Variants in ERBB4 observed in about 807,000 individuals in gnomAD.
ERBB4 encodes the protein erb-b2 receptor tyrosine kinase 4, also known as receptor tyrosine-protein kinase erbB-4.
Under a neutral mutation model 158.0 loss-of-function variants are expected in ERBB4, and 42 were observed. The ratio of observed to expected loss-of-function variants is 0.27; its 90% confidence interval spans 0.21 to 0.34. The LOEUF (loss-of-function observed/expected upper bound fraction) is 0.34, where lower values mean the gene tolerates loss of function less well. Ranked by LOEUF, ERBB4 falls within the 10% of genes least tolerant of loss-of-function variation. ERBB4 has a pLI of 1.00. For synonymous variants in ERBB4, 583 were observed against 558.7 expected (o/e 1.04, Z -0.61); for missense variants, 1,333 against 1,624.1 (o/e 0.82, Z 3.08).
At chr2:211,696,048 T>TC (rs1371826248) in intron 12 of ERBB4, among the ~76,000 whole-genome samples, 52 of 95,172 alleles carry the variant, frequency 5.5e-4, no homozygotes, top group African/African-American at 1.9e-3. Context: ...TCCTTCCCCT[T>TC]CCCCCCCTCC....
At chr2:211,713,260 A>G (rs1217547054) in intron 8 of ERBB4, among the ~76,000 whole-genome samples, 5 of 152,158 alleles carry the variant, frequency 3.3e-5, no homozygotes, top group African/African-American at 1.2e-4. Context: ...AAGATTTGCT[A>G]TTGACAGAGT....
intron 19 of ERBB4, among the ~76,000 whole-genome samples, chr2:211,606,204 C>A (rs767488822): frequency 6.6e-6 from 1 of 151,990 alleles, no homozygotes; most frequent in African/African-American, 2.4e-5. Context: ...AAGTCTTTTG[C>A]TTCATTTTCA....
intron 19 of ERBB4, among the ~76,000 whole-genome samples, chr2:211,575,939 C>T (rs911698710): frequency 6.6e-6 from 1 of 151,978 alleles, no homozygotes; most frequent in Non-Finnish European, 1.5e-5. Flanking sequence ...GAACTTATTA[C>T]CATCATATAT....
At chr2:211,588,665 C>T (rs920261306) in intron 19 of ERBB4, among the ~76,000 whole-genome samples, 6 of 152,138 alleles carry the variant, frequency 3.9e-5, no homozygotes, top group African/African-American at 1.4e-4. Context: ...AGTAACTTGA[C>T]CCAGGCCACT....
At chr2:212,457,923 T>C (rs990379210) in intron 1 of ERBB4, among the ~76,000 whole-genome samples, 7 of 151,998 alleles carry the variant, frequency 4.6e-5, no homozygotes, top group African/African-American at 1.7e-4. Context: ...TTTTCTTTGC[T>C]AAGGTAAATA....
At chr2:212,460,165 C>G (rs575526356) in intron 1 of ERBB4, among the ~76,000 whole-genome samples, 1 of 152,266 alleles carries the variant, frequency 6.6e-6, no homozygotes, top group African/African-American at 2.4e-5. Context: ...TTGTGAGGCT[C>G]CCCCAGCATG....
chr2:212,499,838 G>A (rs1276047582), intron 1 of ERBB4, among the ~76,000 whole-genome samples: 1 of 152,022 alleles, frequency 6.6e-6, no homozygotes, highest in East Asian at 1.9e-4. Context: ...GAGGATAACT[G>A]CAGATGTAGA....
chr2:212,129,207 A>C (rs1406494150), intron 1 of ERBB4, among the ~76,000 whole-genome samples: 1 of 151,576 alleles, frequency 6.6e-6, no homozygotes, highest in Non-Finnish European at 1.5e-5. Context: ...AGTTTCTCTC[A>C]ATTGGAAATA....
At chr2:211,716,011 T>G (rs149722371) in intron 7 of ERBB4, among the ~76,000 whole-genome samples, 539 of 152,298 alleles carry the variant, frequency 3.5e-3, no homozygotes, top group African/African-American at 0.013. Flanking sequence ...AGAAAATGCA[T>G]GTTTGGAGTT....
At chr2:211,432,818 A>G (rs941875952) in intron 20 of ERBB4, among the ~76,000 whole-genome samples, 2 of 152,192 alleles carry the variant, frequency 1.3e-5, no homozygotes, top group African/African-American at 4.8e-5. Context: ...GACAAAAAAG[A>G]TTCAGATAAG....
At chr2:211,616,180 G>T (rs925658654) in intron 19 of ERBB4, among the ~76,000 whole-genome samples, 1 of 151,682 alleles carries the variant, frequency 6.6e-6, no homozygotes, top group African/African-American at 2.4e-5. Context: ...CTCTTTCCCA[G>T]CAGCTCTACA....
At chr2:211,694,029 T>C (rs938731351) in intron 12 of ERBB4, among the ~76,000 whole-genome samples, 2 of 152,170 alleles carry the variant, frequency 1.3e-5, no homozygotes, top group East Asian at 3.9e-4. Flanking sequence ...GTCTCTTCTC[T>C]TCTTCTTGTA....
rs1479091495 is a variant in ERBB4 at position 212,273,256 on chromosome 2, CTG to C, written c.83-148355_83-148354del. ...AAGAGTTTCATGTGAAGTATTCAAA[CTG>C]TGTTTTTTATTATCCAATTATATAC... On this transcript the variant is annotated intron_variant, in intron 1 of 27. Coordinates refer to ENST00000342788, the MANE Select transcript of ERBB4 (RefSeq NM_005235.3). Among the ~76,000 whole-genome samples, 7 of 151,920 alleles carry C rather than the reference CTG, an allele frequency of 4.6e-5. No homozygotes were observed. The East Asian group carries it at 7.8e-4, about 17-fold the overall frequency.
intron 7 of ERBB4, among the ~76,000 whole-genome samples, chr2:211,714,141 C>T (rs899105843): frequency 5.9e-5 from 9 of 152,064 alleles, no homozygotes; most frequent in East Asian, 1.9e-4. Flanking sequence ...TATTTTTATA[C>T]GAAGAAACGA....
In ERBB4 at chr2:211,752,007, C is replaced by A. The variant is rs565503414; in HGVS notation, c.557-1303G>T. 9.2e-5 allele frequency among the ~76,000 whole-genome samples: 14 copies of A among 152,188 alleles called. No individual in the cohort carries two copies. The South Asian group carries it at 2.9e-3, about 32-fold the overall frequency. On this transcript the variant is annotated intron_variant, in intron 4 of 27. Transcript: ENST00000342788. ...AGCAATTCTATTTGTGAAGTATTGC[C>A]GCTGACATCACCAGTGTATAATATC...
chr2:211,840,877 A>G (rs972253102), intron 3 of ERBB4, among the ~76,000 whole-genome samples: 5 of 152,110 alleles, frequency 3.3e-5, no homozygotes, highest in African/African-American at 1.2e-4. Context: ...GGGGTATGCA[A>G]TTTAAACTTT....
intron 2 of ERBB4, among the ~76,000 whole-genome samples, chr2:211,994,467 T>C (rs1178998033): frequency 3.3e-5 from 5 of 152,168 alleles, no homozygotes; most frequent in Non-Finnish European, 7.3e-5. Flanking sequence ...TATGTCCATT[T>C]TTAGAAATGT....
intron 1 of ERBB4, among the ~76,000 whole-genome samples, chr2:212,138,083 A>G (rs2080331369): frequency 6.6e-6 from 1 of 152,188 alleles, no homozygotes; most frequent in Non-Finnish European, 1.5e-5. Flanking sequence ...TTTAGAAATA[A>G]TAATAGTATA....
chr2:211,919,758 G>A (rs1460945092), intron 3 of ERBB4, among the ~76,000 whole-genome samples: 1 of 152,088 alleles, frequency 6.6e-6, no homozygotes, highest in South Asian at 2.1e-4. Flanking sequence ...TGCATGGTCT[G>A]TGATAAACAG....
Sources: allele counts gnomAD v4.1 joint callset (sites outside exome capture counted in the v4.1 genomes callset), GRCh38; gene constraint gnomAD v4.1.1; transcripts MANE v1.5; gene names NCBI Gene and HGNC (gene_info 2026-07-23, HGNC 2026-07-21).